Variants in HERC4 observed in about 807,000 individuals in gnomAD.
HERC4 encodes HECT and RLD domain containing E3 ubiquitin protein ligase 4, also known as probable E3 ubiquitin-protein ligase HERC4.
Under a neutral mutation model 124.3 loss-of-function variants are expected in HERC4, and 28 were observed. The ratio of observed to expected loss-of-function variants is 0.23; its 90% CI spans 0.17 to 0.31. The LOEUF is 0.31. Among genes scored for constraint, HERC4 ranks in the 10% least tolerant of loss-of-function variants. The pLI is 1.00. For missense variants in HERC4, 713 were observed against 1,229.3 expected (o/e 0.58, Z 6.28); for synonymous variants, 407 against 421.5 (o/e 0.97, Z 0.42).
At chr10:67,987,634 G>A (rs1176606716) in intron 15 of HERC4, among the ~76,000 whole-genome samples, 2 of 152,076 alleles carry the variant, frequency 1.3e-5, no homozygotes, top group Admixed American at 6.6e-5. Flanking sequence ...GTTTCCCTAG[G>A]AAATACATGG....
chr10:68,032,883 CAA>C lies in HERC4; in HGVS notation c.686-16_686-15del. 5 of 1,286,718 alleles carry C rather than the reference CAA, an allele frequency of 3.9e-6. No homozygotes were observed. Among genetic ancestry groups the C allele is most frequent in the East Asian group, 2.3e-5 (1 of 43,238 alleles). 79.7% of individuals were successfully genotyped at this position (1,286,718 alleles called of 1,614,324 possible). A position where few individuals can be genotyped will look rare whatever the true frequency, so the allele number is the denominator to read the frequency against. On this transcript the variant is annotated splice_polypyrimidine_tract_variant and intron_variant, in intron 6 of 24. Transcript: ENST00000373700. ...GAACATACCTATCTGAAAATTCCAA[CAA>C]GAGATGTTAATAGTATTTTAAAAAT...
At chr10:68,066,472 G>A (rs2041308631) in intron 3 of HERC4, among the ~76,000 whole-genome samples, 1 of 152,262 alleles carries the variant, frequency 6.6e-6, no homozygotes, top group African/African-American at 2.4e-5. Flanking sequence ...AAAATCACTG[G>A]TTCCAAGTAC....
chr10:67,960,254 C>T lies in HERC4; in HGVS notation c.1927-3278G>A, dbSNP rs796236171. Among the ~76,000 whole-genome samples, 21 of 152,326 alleles carry T rather than the reference C, an allele frequency of 1.4e-4. 1 individual carries two copies. Among genetic ancestry groups the T allele is most frequent in the African/African-American group, 5.1e-4 (21 of 41,580 alleles). ...CATCTATGCCAGGAAAGTAATTCAT[C>T]CATGACTCTACATGGAAAGGACAAC... On this transcript the variant is annotated intron_variant, in intron 16 of 24. Transcript: ENST00000373700.
At chr10:68,057,623 CAAA>C (rs770527997) in intron 3 of HERC4, among the ~76,000 whole-genome samples, 2 of 100,306 alleles carry the variant, frequency 2.0e-5, no homozygotes, top group Admixed American at 1.1e-4. Flanking sequence ...GACTCTGTCT[CAAA>C]AAAAAAAAAA....
chr10:68,053,126 T>C (rs1224039421), intron 3 of HERC4, among the ~76,000 whole-genome samples: 1 of 152,158 alleles, frequency 6.6e-6, no homozygotes, highest in African/African-American at 2.4e-5. Flanking sequence ...AGTAGTTATG[T>C]CCTATAAAAT....
At chr10:68,027,861 C>T (rs1412379889) in intron 7 of HERC4, among the ~76,000 whole-genome samples, 2 of 151,512 alleles carry the variant, frequency 1.3e-5, no homozygotes, top group African/African-American at 2.4e-5. Context: ...AGATGGAAGC[C>T]TGAAGTGAGC....
At chr10:67,944,511 A>C (rs1190662156) in intron 19 of HERC4, among the ~76,000 whole-genome samples, 1 of 152,222 alleles carries the variant, frequency 6.6e-6, no homozygotes, top group Non-Finnish European at 1.5e-5. Flanking sequence ...GACTGTGAAG[A>C]CTACAATAAA....
Position 68,037,095 on chromosome 10 carries a change from T to C in HERC4, c.463+998A>G, listed in dbSNP as rs937478046. ...AGCAAATGGAACCTATTTCTTCTTTTTTTTTTTTTTTTTTTTTGAGACAGA... is the reference window on the plus strand; with the variant it reads ...AGCAAATGGAACCTATTTCTTCTTTCTTTTTTTTTTTTTTTTTGAGACAGA... On this transcript the variant is annotated intron_variant, in intron 5 of 24. Transcript: ENST00000373700. 7.0e-4 allele frequency among the ~76,000 whole-genome samples: 102 copies of C among 144,816 alleles called. 1 individual carries two copies. Among genetic ancestry groups the C allele is most frequent in the East Asian group, 5.2e-3 (26 of 5,000 alleles).
chr10:68,062,746 T>C (rs1390179927), intron 3 of HERC4, among the ~76,000 whole-genome samples: 1 of 151,848 alleles, frequency 6.6e-6, no homozygotes, highest in Non-Finnish European at 1.5e-5. Flanking sequence ...GGCAACAGAA[T>C]GAGACTCCAT....
At chr10:68,021,189 A>C (rs1177813285) in intron 8 of HERC4, among the ~76,000 whole-genome samples, 3 of 152,254 alleles carry the variant, frequency 2.0e-5, no homozygotes, top group Non-Finnish European at 4.4e-5. Flanking sequence ...GCATGAAAGA[A>C]GCAGGTTGTC....
intron 3 of HERC4, chr10:68,067,363 C>T (rs1422457681): frequency 1.3e-5 from 2 of 152,634 alleles, no homozygotes; most frequent in African/African-American, 4.8e-5. Flanking sequence ...CCACTCCTGA[C>T]CCAAGTAATT....
chr10:68,006,313 G>C (rs2037548622), intron 9 of HERC4, among the ~76,000 whole-genome samples: 1 of 150,630 alleles, frequency 6.6e-6, no homozygotes, highest in African/African-American at 2.4e-5. Flanking sequence ...ACTCCCTTTA[G>C]CATTTCTTAT....
chr10:67,977,293 T>C (rs2035650411), intron 15 of HERC4, among the ~76,000 whole-genome samples: 1 of 152,124 alleles, frequency 6.6e-6, no homozygotes, highest in African/African-American at 2.4e-5. Context: ...GAACAACATT[T>C]CTAGATACAC....
intron 14 of HERC4, among the ~76,000 whole-genome samples, chr10:67,989,941 G>A (rs2036462970): frequency 1.3e-5 from 2 of 152,142 alleles, no homozygotes; most frequent in South Asian, 2.1e-4. Context: ...ATGAGGGAAA[G>A]GAATACGGGT....
intron 15 of HERC4, among the ~76,000 whole-genome samples, chr10:67,982,372 G>A (rs2035982500): frequency 2.6e-5 from 4 of 152,044 alleles, no homozygotes. Context: ...AACATACACT[G>A]GACAAAAGAC....
At chr10:67,935,224 C>G (rs1297220685) in intron 22 of HERC4, among the ~76,000 whole-genome samples, 4 of 151,684 alleles carry the variant, frequency 2.6e-5, no homozygotes, top group Non-Finnish European at 5.9e-5. Flanking sequence ...CGGCTCACTG[C>G]AAACTCTGCA....
rs1405410819 is a variant in HERC4, at chr10:67,922,656, CTT to C, written c.*273_*274del. The C allele has an allele frequency of 4.9e-6, 1 of 205,536 alleles. No individual in the cohort carries two copies. Among genetic ancestry groups the C allele is most frequent in the Non-Finnish European group, 9.7e-6 (1 of 102,624 alleles). 12.7% of individuals were successfully genotyped at this position (205,536 alleles called of 1,614,324 possible). On this transcript the variant is annotated 3_prime_UTR_variant, in exon 25 of 25. Transcript: ENST00000373700. ...AGATCATTTCTGAAATATGCAAACT[CTT>C]AAAATTCATGTTAGTAAAACTTTAA... is the stretch of plus-strand genomic sequence containing the variant.
chr10:68,009,846 T>G (rs1230131722), intron 9 of HERC4, among the ~76,000 whole-genome samples: 1 of 152,196 alleles, frequency 6.6e-6, no homozygotes, highest in East Asian at 1.9e-4. Flanking sequence ...TCTATAATGT[T>G]CATAGCATCT....
intron 15 of HERC4, among the ~76,000 whole-genome samples, chr10:67,979,696 AAG>A (rs936203874): frequency 6.6e-6 from 1 of 152,130 alleles, no homozygotes; most frequent in African/African-American, 2.4e-5. Context: ...TGAAAACAGA[AAG>A]AGAAAAAAAC....
Sources: gnomAD v4.1 joint callset for allele counts (sites outside exome capture counted in the v4.1 genomes callset) on GRCh38, gnomAD v4.1.1 for gene constraint, MANE v1.5 for transcripts, NCBI Gene and HGNC (gene_info 2026-07-23, HGNC 2026-07-21) for gene names.